The following STAP1 variants were observed in gnomAD, a reference collection of about 807,000 sequenced individuals.
STAP1 encodes the protein signal transducing adaptor family member 1, also known as signal-transducing adaptor protein 1.
In STAP1, 30 loss-of-function variants were observed where a neutral mutation model predicts 37.8. The observed-to-expected ratio is 0.79, with a 90% CI of 0.59 to 1.08. The LOEUF (loss-of-function observed/expected upper bound fraction) is 1.08, where lower values mean the gene tolerates loss of function less well. Among genes scored for constraint, STAP1 ranks in the 50% least tolerant of loss-of-function variants. The pLI is 0.00. For missense variants in STAP1, 357 were observed against 349.4 expected (o/e 1.02, Z -0.17); for synonymous variants, 130 against 116.0 (o/e 1.12, Z -0.78).
intron 6 of STAP1, among the ~76,000 whole-genome samples, chr4:67,588,437 C>T (rs1349658303): frequency 6.6e-6 from 1 of 151,572 alleles, no homozygotes; most frequent in African/African-American, 2.4e-5. Context: ...TGAGACGGGG[C>T]CTCGCTCTGT....
intron 5 of STAP1, among the ~76,000 whole-genome samples, chr4:67,581,949 T>C (rs768097835): frequency 5.9e-5 from 9 of 152,204 alleles, no homozygotes; most frequent in Non-Finnish European, 1.2e-4. Flanking sequence ...AATAAAGAAG[T>C]GCAGAAAATG....
chr4:67,559,477 A>G (rs1727285515), intron 1 of STAP1, among the ~76,000 whole-genome samples: 3 of 152,098 alleles, frequency 2.0e-5, no homozygotes, highest in East Asian at 3.8e-4. Flanking sequence ...CAAGATAGTG[A>G]CTTTTAATTT....
intron 8 of STAP1, among the ~76,000 whole-genome samples, chr4:67,595,102 G>T (rs1033856809): frequency 6.6e-6 from 1 of 152,084 alleles, no homozygotes; most frequent in South Asian, 2.1e-4. Context: ...AAATCACAAA[G>T]ACTATTTTCC....
intron 7 of STAP1, among the ~76,000 whole-genome samples, chr4:67,591,339 T>C (rs1156576590): frequency 6.6e-6 from 1 of 152,178 alleles, no homozygotes; most frequent in African/African-American, 2.4e-5. Context: ...AATAGCAACA[T>C]AGTAGTGAAG....
chr4:67,601,309 ACTGT>A (rs1728337020), intron 8 of STAP1, among the ~76,000 whole-genome samples: 2 of 152,070 alleles, frequency 1.3e-5, no homozygotes, highest in South Asian at 2.1e-4. Flanking sequence ...ATCTTCTTAT[ACTGT>A]CTATGTCTTG....
intron 1 of STAP1, among the ~76,000 whole-genome samples, chr4:67,568,881 G>A (rs768158169): frequency 4.6e-5 from 7 of 152,180 alleles, no homozygotes; most frequent in South Asian, 2.1e-4. Context: ...TCTGACATGC[G>A]TAGGCTTCCA....
At chr4:67,594,099 T>C (rs1280900708) in intron 8 of STAP1, among the ~76,000 whole-genome samples, 1 of 152,176 alleles carries the variant, frequency 6.6e-6, no homozygotes, top group African/African-American at 2.4e-5. Flanking sequence ...TATGCAACAG[T>C]TCCTGGTACA....
chr4:67,585,635 G>A (rs533791402), intron 6 of STAP1, among the ~76,000 whole-genome samples: 3 of 152,268 alleles, frequency 2.0e-5, no homozygotes, highest in South Asian at 4.1e-4. Context: ...ATAAACTAAC[G>A]ATTGAAGTTA....
intron 8 of STAP1, among the ~76,000 whole-genome samples, chr4:67,598,886 T>C (rs1728278758): frequency 6.6e-6 from 1 of 152,240 alleles, no homozygotes; most frequent in Non-Finnish European, 1.5e-5. Context: ...CAATGTTTTC[T>C]TGGAGTAGTT....
Position 67,605,361 on chromosome 4 carries a change from G to A in STAP1, c.827-935G>A, listed in dbSNP as rs374662371. On this transcript the variant is annotated intron_variant, in intron 8 of 8. Transcript: ENST00000265404. The stretch of plus-strand genomic sequence containing the variant: ...GACTAGGGGCCCCACCCTCAGGGCA[G>A]GGCCAGGGAAGAAAAAATAGACAAT... Among the ~76,000 whole-genome samples, 40 of 147,816 alleles carry A rather than the reference G, an allele frequency of 2.7e-4. No homozygotes were observed. In the East Asian group the frequency reaches 7.8e-3, roughly 29 times the overall value.
intron 6 of STAP1, among the ~76,000 whole-genome samples, chr4:67,589,809 A>T (rs1457625980): frequency 1.1e-4 from 16 of 147,790 alleles, no homozygotes; most frequent in Middle Eastern, 6.9e-3. Flanking sequence ...GGGGATCCTA[A>T]TTTTTTTTTT....
chr4:67,571,807 C>T (rs975616418), intron 2 of STAP1, among the ~76,000 whole-genome samples: 4 of 152,176 alleles, frequency 2.6e-5, no homozygotes, highest in African/African-American at 7.2e-5. Flanking sequence ...CATTCTGGAT[C>T]TGGATATAGT....
At chr4:67,603,247 C>G (rs1728382657) in intron 8 of STAP1, among the ~76,000 whole-genome samples, 1 of 152,082 alleles carries the variant, frequency 6.6e-6, no homozygotes, top group South Asian at 2.1e-4. Context: ...TGAATACTGC[C>G]AGGCCTGGGT....
intron 4 of STAP1, among the ~76,000 whole-genome samples, chr4:67,581,071 A>G (rs1187828689): frequency 1.3e-5 from 2 of 152,204 alleles, no homozygotes; most frequent in East Asian, 3.8e-4. Context: ...CCAAACCAAA[A>G]GGATGATTCC....
chr4:67,586,471 CA>C (rs1473020933), intron 6 of STAP1, among the ~76,000 whole-genome samples: 1 of 151,988 alleles, frequency 6.6e-6, no homozygotes, highest in Non-Finnish European at 1.5e-5. Flanking sequence ...ACAAAACAAA[CA>C]AACAAAAAAA....
intron 2 of STAP1, among the ~76,000 whole-genome samples, chr4:67,574,798 C>T (rs1321084181): frequency 6.6e-6 from 1 of 152,082 alleles, no homozygotes; most frequent in Non-Finnish European, 1.5e-5. Context: ...ACTGTTTGGC[C>T]TTTTGCAGAA....
chr4:67,581,129 C>T (rs758973084), intron 4 of STAP1, among the ~76,000 whole-genome samples, 176 bp from the exon 5 acceptor site: 9 of 152,284 alleles, frequency 5.9e-5, no homozygotes, highest in South Asian at 4.1e-4. Context: ...GGTGCAGAGG[C>T]GGTTCTGAAA....
At chr4:67,599,833 G>C (rs1474632767) in intron 8 of STAP1, among the ~76,000 whole-genome samples, 1 of 151,778 alleles carries the variant, frequency 6.6e-6, no homozygotes, top group South Asian at 2.1e-4. Flanking sequence ...GTAGAGACAG[G>C]GTTTCACCAT....
In STAP1 at chr4:67,576,494, T is replaced by C. The variant is rs560038485; in HGVS notation, c.307-709T>C. The stretch of plus-strand genomic sequence containing the variant: ...AACAAGCAAAAATAATAAGACCTTT[T>C]GCCAAGTTGCCTTGAAGGTTAAATC... On this transcript the variant is annotated intron_variant, in intron 3 of 8. Transcript: ENST00000265404. 3.3e-5 allele frequency among the ~76,000 whole-genome samples: 5 copies of C among 152,322 alleles called. No homozygotes were observed. In the East Asian group the frequency reaches 9.6e-4, roughly 29 times the overall value.
Sources: allele counts gnomAD v4.1 joint callset (sites outside exome capture counted in the v4.1 genomes callset), GRCh38; gene constraint gnomAD v4.1.1; transcripts MANE v1.5; gene names NCBI Gene and HGNC (gene_info 2026-07-23, HGNC 2026-07-21).